The following SLC22A25 variants were observed in gnomAD, a reference collection of about 807,000 sequenced individuals.
The protein encoded by SLC22A25 is MGI:2442751, MGI:2385316, MGI:3042283, MGI:3645714, MGI:3605624, MGI:2442750.
Under a neutral mutation model 45.9 loss-of-function variants are expected in SLC22A25, and 44 were observed. The observed-to-expected ratio is 0.96, with a 90% CI of 0.75 to 1.23. SLC22A25 has a LOEUF of 1.23. Ranked by LOEUF, SLC22A25 falls within the 50% of genes most tolerant of loss-of-function variation. The pLI is 0.00. For missense variants in SLC22A25, 800 were observed against 666.4 expected (o/e 1.20, Z -2.21); for synonymous variants, 283 against 238.6 (o/e 1.19, Z -1.72).
At chr11:63,189,330 G>A (rs1433723415) in intron 7 of SLC22A25, among the ~76,000 whole-genome samples, 2 of 152,020 alleles carry the variant, frequency 1.3e-5, no homozygotes, top group Non-Finnish European at 2.9e-5. Context: ...GATCATTGTT[G>A]GTTTAAAGTC....
At chr11:63,176,298 T>C (rs2088086454) in intron 9 of SLC22A25, among the ~76,000 whole-genome samples, 1 of 152,066 alleles carries the variant, frequency 6.6e-6, no homozygotes, top group African/African-American at 2.4e-5. Context: ...AATCTTCAGA[T>C]TACTTTGAGT....
At chr11:63,226,492 A>T (rs2089964519) in intron 5 of SLC22A25, among the ~76,000 whole-genome samples, 1 of 152,200 alleles carries the variant, frequency 6.6e-6, no homozygotes, top group South Asian at 2.1e-4. Flanking sequence ...TCTCCCAAAC[A>T]AATGGAGTCT....
chr11:63,212,018 G>A (rs893266049), intron 7 of SLC22A25, among the ~76,000 whole-genome samples: 4 of 152,156 alleles, frequency 2.6e-5, no homozygotes, highest in African/African-American at 7.2e-5. Flanking sequence ...GATATGAATA[G>A]ACACTTCTCA....
Position 63,243,485 on chromosome 11 carries a change from C to T in SLC22A25, c.-1047G>A. 1 of 763,388 alleles carries T rather than the reference C, an allele frequency of 1.3e-6. No homozygotes were observed. The highest frequency in any genetic ancestry group is 2.5e-6 in the Non-Finnish European group (1 of 407,952). The allele number at this position is 763,388 out of a possible 1,614,324, so 47.3% of individuals were successfully genotyped here. ...AACTTCAAAGTCCCATCTGCAACTC[C>T]TGGGTGCTGTCTGCATGTTCCTGGC... On this transcript the variant is annotated 5_prime_UTR_variant, in exon 1 of 12. Coordinates refer to ENST00000306494, the MANE Select transcript of SLC22A25 (RefSeq NM_199352.6).
chr11:63,232,408 A>G (rs532525580), intron 3 of SLC22A25, among the ~76,000 whole-genome samples: 6 of 152,184 alleles, frequency 3.9e-5, no homozygotes, highest in African/African-American at 1.4e-4. Flanking sequence ...GTGAATGGGA[A>G]TTCACACATG....
intron 7 of SLC22A25, among the ~76,000 whole-genome samples, chr11:63,216,205 TAAC>T (rs2134812901): frequency 6.6e-6 from 1 of 152,312 alleles, no homozygotes; most frequent in Admixed American, 6.5e-5. Flanking sequence ...TGGCTATTAA[TAAC>T]AAGTCAAAAA....
chr11:63,185,893 A>C (rs1222466497), intron 7 of SLC22A25, among the ~76,000 whole-genome samples: 1 of 149,960 alleles, frequency 6.7e-6, no homozygotes, highest in Middle Eastern at 3.4e-3. Flanking sequence ...TTATGGCTGC[A>C]TAGTATTCCA....
At chr11:63,185,240 A>C (rs1410897148) in intron 7 of SLC22A25, among the ~76,000 whole-genome samples, 1 of 151,786 alleles carries the variant, frequency 6.6e-6, no homozygotes, top group East Asian at 1.9e-4. Flanking sequence ...GCACCCATTA[A>C]CTCGTCATTT....
intron 7 of SLC22A25, among the ~76,000 whole-genome samples, chr11:63,205,314 A>G (rs955291044): frequency 3.3e-5 from 5 of 152,166 alleles, no homozygotes; most frequent in African/African-American, 1.2e-4. Context: ...CTAAGATCAG[A>G]GCAGAAATGA....
chr11:63,217,762 T>C (rs2089755475), intron 5 of SLC22A25, 27 bp from the exon 6 acceptor site: 1 of 1,583,606 alleles, frequency 6.3e-7, no homozygotes, highest in East Asian at 2.2e-5. Context: ...CATTAGATAA[T>C]GGGAACAATA....
At chr11:63,166,384 A>AT in intron 9 of SLC22A25, 126 bp from the exon 10 acceptor site, 2 of 1,454,466 alleles carry the variant, frequency 1.4e-6, no homozygotes, top group Non-Finnish European at 1.8e-6. Flanking sequence ...GTTTTGTGGA[A>AT]TATTTTCTTG....
intron 7 of SLC22A25, among the ~76,000 whole-genome samples, chr11:63,211,470 C>G (rs1031452397): frequency 1.3e-5 from 2 of 152,062 alleles, no homozygotes; most frequent in African/African-American, 2.4e-5. Context: ...TTAAAGGATG[C>G]CTTCTTTTGT....
At chr11:63,188,879 G>A (rs2134749395) in intron 7 of SLC22A25, among the ~76,000 whole-genome samples, 1 of 152,236 alleles carries the variant, frequency 6.6e-6, no homozygotes, top group East Asian at 1.9e-4. Flanking sequence ...TTAATCCTGA[G>A]TTCTAGTTTG....
At chr11:63,181,118 G>A (rs959334054) in intron 8 of SLC22A25, among the ~76,000 whole-genome samples, 3 of 152,064 alleles carry the variant, frequency 2.0e-5, no homozygotes, top group African/African-American at 7.2e-5. Flanking sequence ...TATACCAGAT[G>A]GGCCCCAAAG....
intron 3 of SLC22A25, among the ~76,000 whole-genome samples, chr11:63,237,526 T>A (rs1321101339): frequency 6.6e-6 from 1 of 152,130 alleles, no homozygotes; most frequent in Non-Finnish European, 1.5e-5. Flanking sequence ...CTCTTGGACT[T>A]CCAAGCCTCC....
At chr11:63,189,450 C>T (rs1293812781) in intron 7 of SLC22A25, among the ~76,000 whole-genome samples, 1 of 152,118 alleles carries the variant, frequency 6.6e-6, no homozygotes. Flanking sequence ...CTGCACATGA[C>T]ATGGGTCTCC....
At chr11:63,181,837 C>T (rs927292642) in intron 8 of SLC22A25, among the ~76,000 whole-genome samples, 4 of 152,018 alleles carry the variant, frequency 2.6e-5, no homozygotes, top group Non-Finnish European at 4.4e-5. Flanking sequence ...AGGCAAGGTA[C>T]GTGAAGTCAT....
At chr11:63,173,517 A>G (rs1052154360) in intron 9 of SLC22A25, among the ~76,000 whole-genome samples, 6 of 152,138 alleles carry the variant, frequency 3.9e-5, no homozygotes, top group Non-Finnish European at 5.9e-5. Flanking sequence ...CTTATACCAG[A>G]GGCAGGGCTC....
chr11:63,213,111 C>T (rs1021695989), intron 7 of SLC22A25, among the ~76,000 whole-genome samples: 2 of 152,150 alleles, frequency 1.3e-5, no homozygotes, highest in African/African-American at 4.8e-5. Context: ...GCATTGCCCA[C>T]CCCAGTTACA....
Sources: gnomAD v4.1 joint callset for allele counts (sites outside exome capture counted in the v4.1 genomes callset) on GRCh38, gnomAD v4.1.1 for gene constraint, MANE v1.5 for transcripts, NCBI Gene and HGNC (gene_info 2026-07-23, HGNC 2026-07-21) for gene names.